Variants in CDH18 observed in about 807,000 individuals in gnomAD.
CDH18 encodes the protein cadherin-18.
Under a neutral mutation model 67.9 loss-of-function variants are expected in CDH18, and 31 were observed. That is an observed-to-expected ratio of 0.46 (90% CI 0.34 to 0.62). The LOEUF (loss-of-function observed/expected upper bound fraction) is 0.62. Ranked by LOEUF, CDH18 falls within the 20% of genes least tolerant of loss-of-function variation. The probability of loss-of-function intolerance (pLI) is 0.01; values close to 1 mark genes in which losing one functional copy is unlikely to be tolerated. For synonymous variants in CDH18, 362 were observed against 347.2 expected, an observed-to-expected ratio of 1.04 and a Z score of -0.48; for missense variants, 890 against 975.5, an observed-to-expected ratio of 0.91 and a Z score of 1.17.
chr5:19,651,530 C>T (rs540550920), intron 5 of CDH18, among the ~76,000 whole-genome samples: 3 of 152,070 alleles, frequency 2.0e-5, no homozygotes, highest in Non-Finnish European at 2.9e-5. Context: ...TCAAAGAAGA[C>T]GTTAAGGGAG....
intron 2 of CDH18, among the ~76,000 whole-genome samples, chr5:20,249,193 A>C (rs1266627768): frequency 6.6e-6 from 1 of 152,132 alleles, no homozygotes; most frequent in Non-Finnish European, 1.5e-5. Flanking sequence ...TGATCAAGCA[A>C]AATTCATTAT....
chr5:19,968,799 T>C (rs1436353752), intron 2 of CDH18, among the ~76,000 whole-genome samples: 1 of 144,960 alleles, frequency 6.9e-6, no homozygotes, highest in Non-Finnish European at 1.5e-5. Flanking sequence ...ACTTCATGTC[T>C]AAAACACCAA....
chr5:19,555,088 T>C (rs77056759), intron 8 of CDH18, among the ~76,000 whole-genome samples: 202 of 152,264 alleles, frequency 1.3e-3, no homozygotes, highest in African/African-American at 4.7e-3. Context: ...AGCATCAAAA[T>C]TGTACTTATA....
intron 1 of CDH18, among the ~76,000 whole-genome samples, chr5:20,481,301 T>C (rs1187438371): frequency 6.6e-6 from 1 of 151,624 alleles, no homozygotes; most frequent in Admixed American, 6.6e-5. Flanking sequence ...TAAATACATA[T>C]GCAGTCAAAA....
chr5:20,477,718 A>G (rs980779274), intron 1 of CDH18, among the ~76,000 whole-genome samples: 2 of 152,136 alleles, frequency 1.3e-5, no homozygotes, highest in Admixed American at 1.3e-4. Flanking sequence ...GAAGGACTGC[A>G]ATTGCTTGGA....
At chr5:19,982,511 TATTAA>T (rs1799160252) in intron 1 of CDH18, among the ~76,000 whole-genome samples, 1 of 152,164 alleles carries the variant, frequency 6.6e-6, no homozygotes, top group African/African-American at 2.4e-5. Flanking sequence ...TGATTCAAAT[TATTAA>T]ATTAATTTTA....
chr5:20,104,609 C>T (rs1380124238), intron 2 of CDH18, among the ~76,000 whole-genome samples: 1 of 152,122 alleles, frequency 6.6e-6, no homozygotes, highest in African/African-American at 2.4e-5. Flanking sequence ...TACTCCTTAA[C>T]TTCCCCACCT....
intron 3 of CDH18, among the ~76,000 whole-genome samples, chr5:19,818,331 ATGTATGACATGAAT>A (rs1779506782): frequency 6.6e-6 from 1 of 152,156 alleles, no homozygotes; most frequent in Non-Finnish European, 1.5e-5. Flanking sequence ...GAGCATTATG[ATGTATGACATGAAT>A]TGTAGGATGT....
chr5:19,728,024 T>C (rs1490134392), intron 4 of CDH18, among the ~76,000 whole-genome samples: 1 of 152,138 alleles, frequency 6.6e-6, no homozygotes, highest in Non-Finnish European at 1.5e-5. Flanking sequence ...CCAAATTTTA[T>C]GCATAGTAGA....
At chr5:20,293,715 G>T (rs1747272578) in intron 1 of CDH18, among the ~76,000 whole-genome samples, 1 of 152,176 alleles carries the variant, frequency 6.6e-6, no homozygotes, top group Non-Finnish European at 1.5e-5. Flanking sequence ...TGGTAAAACA[G>T]TATTACTTTT....
chr5:20,360,197 A>C (rs1286939231), intron 1 of CDH18, among the ~76,000 whole-genome samples: 1 of 150,930 alleles, frequency 6.6e-6, no homozygotes, highest in African/African-American at 2.4e-5. Context: ...CATTAGACTA[A>C]TAACACAGGC....
rs369370236 is a variant in CDH18 at position 20,537,319 on chromosome 5, T to G, written c.-580+38143A>C. Among the ~76,000 whole-genome samples the G allele has an allele frequency of 1.4e-4, 21 of 152,274 alleles. 1 individual carries two copies. The East Asian group carries it at 2.9e-3, about 21-fold the overall frequency. On this transcript the variant is annotated intron_variant, in intron 1 of 14. Coordinates refer to the CDH18 transcript ENST00000507958. ...CAAAATGTTTGTGATTACAATAAAA[T>G]AATGATCATCACACAGAGGTACATC...
intron 1 of CDH18, among the ~76,000 whole-genome samples, chr5:20,354,189 A>C (rs1428654097): frequency 6.6e-6 from 1 of 152,226 alleles, no homozygotes; most frequent in Non-Finnish European, 1.5e-5. Flanking sequence ...GCATTCTAAA[A>C]TGTAAGATAA....
chr5:19,912,454 G>A (rs1453724879), intron 2 of CDH18, among the ~76,000 whole-genome samples: 1 of 152,074 alleles, frequency 6.6e-6, no homozygotes, highest in East Asian at 1.9e-4. Flanking sequence ...AAACTGGAGT[G>A]GGGAATCTTG....
chr5:19,562,374 A>G (rs914088070), intron 8 of CDH18, among the ~76,000 whole-genome samples: 2 of 152,126 alleles, frequency 1.3e-5, no homozygotes, highest in Admixed American at 6.6e-5. Context: ...CTGTTATAAC[A>G]TCCAAAATAA....
At chr5:20,334,131 C>CTTTTTGTTTT (rs1739464611) in intron 1 of CDH18, among the ~76,000 whole-genome samples, 1 of 81,654 alleles carries the variant, frequency 1.2e-5, no homozygotes, top group East Asian at 4.4e-4. Context: ...GACTTGAATT[C>CTTTTTGTTTT]TTTTTTTTTT....
rs542644998 is a variant in CDH18 at position 19,502,124 on chromosome 5, G to A, written c.1630+868C>T. ...TTGGCAGGTTGTCATTTAGTGACTT[G>A]CATTTGAAAATCTTCTCCCGGAAGT... On this transcript the variant is annotated intron_variant, in intron 11 of 12. Coordinates refer to ENST00000382275, the MANE Select transcript of CDH18 (RefSeq NM_004934.5). 5.9e-5 allele frequency among the ~76,000 whole-genome samples: 9 copies of A among 152,264 alleles called. No homozygotes were observed. In the East Asian group the frequency reaches 1.7e-3, roughly 29 times the overall value.
intron 1 of CDH18, among the ~76,000 whole-genome samples, chr5:20,465,365 C>A (rs936687671): frequency 3.3e-5 from 5 of 151,974 alleles, no homozygotes; most frequent in Admixed American, 1.3e-4. Context: ...AAACAACCAA[C>A]AACTGCAAAA....
At chr5:20,218,774 T>A (rs1740983340) in intron 2 of CDH18, among the ~76,000 whole-genome samples, 1 of 152,000 alleles carries the variant, frequency 6.6e-6, no homozygotes, top group African/African-American at 2.4e-5. Flanking sequence ...CCGCCATGAT[T>A]CTGAGGCCTC....
Sources: allele counts gnomAD v4.1 joint callset (sites outside exome capture counted in the v4.1 genomes callset), GRCh38; gene constraint gnomAD v4.1.1; transcripts MANE v1.5; gene names NCBI Gene and HGNC (gene_info 2026-07-23, HGNC 2026-07-21).